The following DST variants were observed in gnomAD, a reference collection of about 807,000 sequenced individuals.
DST encodes the protein bullous pemphigoid antigen.
In DST, 253 loss-of-function variants were observed where a neutral mutation model predicts 875.2. That is an observed-to-expected ratio of 0.29 (90% confidence interval 0.26 to 0.32). The LOEUF (loss-of-function observed/expected upper bound fraction) is 0.32, where lower values mean the gene tolerates loss of function less well. Among genes scored for constraint, DST ranks in the 10% least tolerant of loss-of-function variants. The pLI is 1.00. For synonymous variants in DST, 3,124 were observed against 3,197.1 expected (o/e 0.98, Z 0.77); for missense variants, 8,287 against 9,111.6 (o/e 0.91, Z 3.68).
At chr6:56,751,013 G>A (rs2099585191) in intron 4 of DST, among the ~76,000 whole-genome samples, 2 of 152,102 alleles carry the variant, frequency 1.3e-5, no homozygotes, top group Admixed American at 6.5e-5. Flanking sequence ...GCATTCAGAA[G>A]TTAAGTAATT....
intron 9 of DST, among the ~76,000 whole-genome samples, chr6:56,683,696 C>G (rs2099167471): frequency 6.6e-6 from 1 of 152,178 alleles, no homozygotes; most frequent in African/African-American, 2.4e-5. Context: ...ACACACGTCT[C>G]CTGCTTTCAT....
rs2098526161 is a variant in DST at position 56,609,447 on chromosome 6, T to TA, written c.5284-104dup. The TA allele has an allele frequency of 1.9e-5, 16 of 835,386 alleles. 1 individual carries two copies. In the South Asian group the frequency reaches 2.8e-4, roughly 15 times the overall value. 51.7% of individuals were successfully genotyped at this position (835,386 alleles called of 1,614,324 possible). On this transcript the variant is annotated intron_variant, in intron 39 of 103. Transcript: ENST00000680361. ...AAAAAATAAATAATACATTTCAACA[T>TA]AAAAATCCTCTACTTACCAAGGCGC...
At chr6:56,670,133 CGTGTGTGTGTGTGTGTGT>C (rs70989723) in intron 10 of DST, among the ~76,000 whole-genome samples, 2 of 146,198 alleles carry the variant, frequency 1.4e-5, no homozygotes, top group Admixed American at 6.8e-5. Context: ...AGCGCCCGTG[CGTGTGTGTGTGTGTGTGT>C]GTGTGTGTGT....
chr6:56,825,369 C>A (rs965610514), intron 4 of DST, among the ~76,000 whole-genome samples: 1 of 149,576 alleles, frequency 6.7e-6, no homozygotes, highest in Admixed American at 6.6e-5. Context: ...TGCAGAAGGC[C>A]GCAGGGTCCT....
intron 5 of DST, among the ~76,000 whole-genome samples, chr6:56,706,138 A>AC (rs2099333644): frequency 6.6e-6 from 1 of 151,992 alleles, no homozygotes; most frequent in African/African-American, 2.4e-5. Flanking sequence ...ACGTGGTGAA[A>AC]CCCCATCTCA....
chr6:56,712,749 A>T (rs1302026623), intron 5 of DST, among the ~76,000 whole-genome samples: 3 of 152,214 alleles, frequency 2.0e-5, no homozygotes, highest in Non-Finnish European at 4.4e-5. Flanking sequence ...AGAATTGTAA[A>T]TACTTTAAAA....
chr6:56,843,148 C>G lies in DST; in HGVS notation c.625+8249G>C, dbSNP rs182517599. 6,648 of 1,562,278 alleles carry G rather than the reference C, an allele frequency of 4.3e-3. 25 individuals are homozygous for G. The highest frequency in any genetic ancestry group is 5.3e-3 in the Non-Finnish European group (6,039 of 1,146,916). ...GCAGGGGAGAGGTAACCCGCCATGC[C>G]GAAGTTTATCTAAGCGATGACTGAC... On this transcript the variant is annotated intron_variant, in intron 4 of 103. Transcript: ENST00000680361.
rs61119609 is a variant in DST at position 56,567,429 on chromosome 6, T to TAAA, written c.14005+1037_14005+1039dup. Among the ~76,000 whole-genome samples, 1,030 of 104,800 alleles carry TAAA rather than the reference T, an allele frequency of 9.8e-3. 23 individuals carry two copies. The highest frequency in any genetic ancestry group is 0.037 in the African/African-American group (939 of 25,656). 68.8% of individuals were successfully genotyped at this position (104,800 alleles called of 152,430 possible). A position where few individuals can be genotyped will look rare whatever the true frequency, so the allele number is the denominator to read the frequency against. ...TACCATGCTTGGTAGTTACCAAGAG[T>TAAA]AAAAAAAAAAAAAAAAAAATCCCAA... On this transcript the variant is annotated intron_variant, in intron 55 of 103. Coordinates refer to ENST00000680361, the MANE Select transcript of DST (RefSeq NM_001374736.1).
intron 5 of DST, among the ~76,000 whole-genome samples, chr6:56,720,993 C>A (rs1436205361): frequency 2.0e-5 from 3 of 150,398 alleles, no homozygotes; most frequent in Non-Finnish European, 4.4e-5. Context: ...CCGCCACCTT[C>A]CAGACGGGGC....
intron 49 of DST, among the ~76,000 whole-genome samples, chr6:56,581,657 C>G (rs2097998868): frequency 6.6e-6 from 1 of 152,206 alleles, no homozygotes; most frequent in African/African-American, 2.4e-5. Context: ...CCACACAGGC[C>G]TATTCCCAGC....
chr6:56,688,306 T>C (rs574500665), intron 9 of DST, among the ~76,000 whole-genome samples: 202 of 152,328 alleles, frequency 1.3e-3, no homozygotes, highest in African/African-American at 4.6e-3. Flanking sequence ...TCAGATTTTA[T>C]CCTGGTCCTT....
intron 43 of DST, among the ~76,000 whole-genome samples, chr6:56,602,426 C>T (rs9370542): frequency 0.44 from 66,496 of 151,576 alleles, 15,282 homozygotes; most frequent in African/African-American, 0.55. Flanking sequence ...CCTAGGTGTG[C>T]AGTAAAGGAT....
At chr6:56,915,379 G>A (rs1026523097) in intron 2 of DST, among the ~76,000 whole-genome samples, 3 of 152,176 alleles carry the variant, frequency 2.0e-5, no homozygotes, top group African/African-American at 4.8e-5. Flanking sequence ...GATTTCTGAA[G>A]TGGTAAATGT....
intron 9 of DST, among the ~76,000 whole-genome samples, chr6:56,678,492 T>C (rs1356365391): frequency 6.6e-6 from 1 of 152,166 alleles, no homozygotes; most frequent in Admixed American, 6.5e-5. Flanking sequence ...TTGGAACAGA[T>C]CCCTGTAACA....
chr6:56,630,416 G>C, intron 30 of DST, 33 bp from the exon 31 acceptor site: 1 of 1,594,704 alleles, frequency 6.3e-7, no homozygotes, highest in Non-Finnish European at 8.6e-7. Flanking sequence ...AGCCACCTAT[G>C]GTTAAATGTT....
In DST at chr6:56,950,137, T is replaced by C. The variant is rs150978985; in HGVS notation, c.216+3648A>G. Among the ~76,000 whole-genome samples the C allele has an allele frequency of 2.0e-3, 298 of 152,354 alleles. 1 individual carries two copies. Among genetic ancestry groups the C allele is most frequent in the African/African-American group, 6.0e-3 (248 of 41,584 alleles). On this transcript the variant is annotated intron_variant, in intron 2 of 103. Coordinates refer to ENST00000680361, the MANE Select transcript of DST (RefSeq NM_001374736.1). ...AATACGTAGCCAGATAATTCTTGTG[T>C]TACTCAGTCCTTATCTTGTTATGTG...
At chr6:56,737,928 G>A (rs191352851) in intron 4 of DST, among the ~76,000 whole-genome samples, 4 of 152,238 alleles carry the variant, frequency 2.6e-5, no homozygotes, top group East Asian at 1.9e-4. Flanking sequence ...ACAAATGTTC[G>A]AGAAAAGGAA....
At chr6:56,861,440 C>A (rs1771107409) in intron 3 of DST, among the ~76,000 whole-genome samples, 1 of 152,254 alleles carries the variant, frequency 6.6e-6, no homozygotes, top group Non-Finnish European at 1.5e-5. Context: ...GGTAGCAAAC[C>A]AATCCAACCA....
chr6:56,692,454 T>A, intron 9 of DST: 1 of 1,289,664 alleles, frequency 7.8e-7, no homozygotes, highest in African/African-American at 1.5e-5. Context: ...ATCTCTTTTT[T>A]TTAAACTGAA....
Sources: allele counts gnomAD v4.1 joint callset (sites outside exome capture counted in the v4.1 genomes callset), GRCh38; gene constraint gnomAD v4.1.1; transcripts MANE v1.5; gene names NCBI Gene and HGNC (gene_info 2026-07-23, HGNC 2026-07-21).